SRSF7: variants seen among roughly 807,000 people sequenced by gnomAD.
SRSF7 encodes the protein serine and arginine rich splicing factor 7.
A neutral mutation model predicts 42.2 loss-of-function variants in SRSF7; 15 were observed. The ratio of observed to expected loss-of-function variants is 0.36; its 90% CI spans 0.24 to 0.55. The LOEUF is 0.55. Ranked by LOEUF, SRSF7 falls within the 20% of genes least tolerant of loss-of-function variation. SRSF7 has a pLI of 0.88. For synonymous variants in SRSF7, 138 were observed against 107.9 expected (o/e 1.28, Z -1.73); for missense variants, 181 against 305.9 (o/e 0.59, Z 3.04).
chr2:38,745,017 T>C lies in SRSF7; in HGVS notation c.*116A>G. On this transcript the variant is annotated 3_prime_UTR_variant, in exon 8 of 8. Transcript: ENST00000313117. ...CTGTGAATTTACATAGTAATCCAGA[T>C]CCATTTTGATTAGATGGTTGAATTA... The C allele has an allele frequency of 1.0e-6, 1 of 1,000,486 alleles. No individual in the cohort carries two copies. The highest frequency in any genetic ancestry group is 2.2e-5 in the Admixed American group (1 of 45,380). 62.0% of individuals were successfully genotyped at this position (1,000,486 alleles called of 1,614,324 possible). A position where few individuals can be genotyped will look rare whatever the true frequency, so the allele number is the denominator to read the frequency against.
chr2:38,749,007 ACG>A, intron 3 of SRSF7: 1 of 1,289,480 alleles, frequency 7.8e-7, no homozygotes. Context: ...CAATCTAACG[ACG>A]ATCAAACTGA....
chr2:38,747,951 T>C (rs774918975), intron 5 of SRSF7, 96 bp downstream of exon 5: 8 of 808,584 alleles, frequency 9.9e-6, no homozygotes, highest in Non-Finnish European at 1.5e-5. Context: ...TCTCAAATAT[T>C]CCCTGAAGCA....
chr2:38,746,821 T>A, intron 5 of SRSF7, 74 bp from the exon 6 acceptor site: 5 of 1,592,276 alleles, frequency 3.1e-6, no homozygotes, highest in Non-Finnish European at 4.3e-6. Context: ...CAACACTGTA[T>A]TAGGTTGGTC....
intron 5 of SRSF7, chr2:38,747,092 C>T (rs549467010): frequency 1.4e-5 from 7 of 486,818 alleles, no homozygotes; most frequent in South Asian, 1.1e-4. Context: ...CTCAGCTGGG[C>T]ACTGTGGTAC....
intron 3 of SRSF7, chr2:38,748,894 A>G: frequency 7.2e-7 from 1 of 1,384,332 alleles, no homozygotes; most frequent in Non-Finnish European, 9.4e-7. Context: ...TATTTAAAAT[A>G]AACCTTGCAA....
chr2:38,750,117 G>A lies in SRSF7; in HGVS notation c.106C>T (p.Pro36Ser). The change falls in exon 2 of 8, where the codon CCT becomes TCT. Residue 36 changes from proline to serine, a missense_variant. Pro to Ser is a moderately conservative substitution (Grantham distance 74, BLOSUM62 -1). This residue lies in a region of SRSF7 where 45 missense variants were observed against 158.1 expected (regional missense o/e 0.28). Transcript: ENST00000313117. ...CTCGCAATCCATACAGTTCTTAAAGGACCATAATAACTGAAAGCCCTTTCT... is the reference window on the plus strand; with the variant it reads ...CTCGCAATCCATACAGTTCTTAAAGAACCATAATAACTGAAAGCCCTTTCT... ...ELERAFSYYG[P>S]LRTVWIARNP... 1.2e-6 allele frequency: 2 copies of A among 1,613,318 alleles called. No individual in the cohort carries two copies. Among genetic ancestry groups the A allele is most frequent in the Non-Finnish European group, 1.7e-6 (2 of 1,179,680 alleles).
rs373705684 is a variant in SRSF7, at chr2:38,748,040, T to G, written c.572+7A>C. The stretch of plus-strand genomic sequence containing the variant: ...AAACACAAGTAAGGAAAAAAAGTGT[T>G]ACATACTGGAAATACCTCGATCCTT... On this transcript the variant is annotated splice_region_variant and intron_variant, in intron 5 of 7. Transcript: ENST00000313117. The G allele has an allele frequency of 6.2e-7, 1 of 1,604,674 alleles. No homozygotes were observed. The highest frequency in any genetic ancestry group is 1.3e-5 in the African/African-American group (1 of 74,734).
Position 38,744,479 on chromosome 2 carries a change from G to C in SRSF7, c.*654C>G. On this transcript the variant is annotated 3_prime_UTR_variant, in exon 8 of 8. Coordinates refer to ENST00000313117, the MANE Select transcript of SRSF7 (RefSeq NM_001031684.3). ...CCTAGTAGCCTGAAAGCTGCAATTA[G>C]TATAAAGATCATCCAGAAATGTTTC... 8.9e-6 allele frequency: 1 copy of C among 111,810 alleles called. No individual in the cohort carries two copies. Among genetic ancestry groups the C allele is most frequent in the African/African-American group, 3.6e-5 (1 of 27,404 alleles). The allele number at this position is 111,810 out of a possible 1,614,324, so 6.9% of individuals were successfully genotyped here.
intron 3 of SRSF7, chr2:38,749,151 A>G: frequency 7.6e-7 from 1 of 1,320,204 alleles, no homozygotes. Flanking sequence ...TGTTACGGCG[A>G]TCACCGTCTC....
chr2:38,749,757 T>C (rs1668000406), intron 2 of SRSF7, 52 bp from the exon 3 acceptor site: 4 of 1,465,066 alleles, frequency 2.7e-6, no homozygotes, highest in Non-Finnish European at 3.6e-6. Context: ...ATTCAGGACT[T>C]ATAGATTTAA....
At chr2:38,751,457 A>C, upstream of SRSF7, 1 of 666,210 alleles carries the variant, frequency 1.5e-6, no homozygotes, top group Non-Finnish European at 2.5e-6. Flanking sequence ...GCTGGGCGGA[A>C]ACAGCCAAGA....
chr2:38,747,997 A>G (rs375780745), intron 5 of SRSF7, 50 bp downstream of exon 5: 18 of 1,352,008 alleles, frequency 1.3e-5, no homozygotes, highest in East Asian at 9.3e-5. Context: ...CACTCTACTG[A>G]TAAGATGTGA....
chr2:38,745,740 C>T (rs1667285804), intron 7 of SRSF7, among the ~76,000 whole-genome samples: 1 of 152,048 alleles, frequency 6.6e-6, no homozygotes, highest in Admixed American at 6.6e-5. Flanking sequence ...TTGAAGTCTT[C>T]TGGTCATTAA....
At chr2:38,748,776 C>T in intron 3 of SRSF7, 123 bp from the exon 4 acceptor site, 2 of 1,256,140 alleles carry the variant, frequency 1.6e-6, no homozygotes, top group Non-Finnish European at 2.2e-6. Flanking sequence ...TGGAAATAAA[C>T]TCTGGGCCTA....
At chr2:38,749,902 T>C in intron 2 of SRSF7, 112 bp downstream of exon 2, 1 of 1,323,192 alleles carries the variant, frequency 7.6e-7, no homozygotes, top group Non-Finnish European at 1.0e-6. Flanking sequence ...TTTAACACTA[T>C]GACCAGCTAT....
chr2:38,744,333 C>G lies in SRSF7; in HGVS notation c.*800G>C. The G allele has an allele frequency of 6.6e-6, 1 of 152,564 alleles. No homozygotes were observed. The highest frequency in any genetic ancestry group is 2.4e-5 in the African/African-American group (1 of 41,430). 9.5% of individuals were successfully genotyped at this position (152,564 alleles called of 1,614,324 possible). On this transcript the variant is annotated 3_prime_UTR_variant, in exon 8 of 8. Transcript: ENST00000313117. ...GAAGGTGTTTTGTCCCAATTTCAGA[C>G]AATTCCTCAAACATGCATTTTTTGG...
At chr2:38,749,110 G>A in intron 3 of SRSF7, 1 of 1,316,160 alleles carries the variant, frequency 7.6e-7, no homozygotes. Flanking sequence ...TTCTAAACCG[G>A]AGGGGGGCCC....
intron 4 of SRSF7, 106 bp downstream of exon 4, chr2:38,748,473 A>G: frequency 1.7e-6 from 2 of 1,150,554 alleles, no homozygotes; most frequent in Admixed American, 3.5e-5. Flanking sequence ...AGCCCGGGTG[A>G]CAGAGCAAGA....
Position 38,751,064 on chromosome 2 carries a change from T to C in SRSF7, c.28+165A>G, listed in dbSNP as rs960637658. ...AGAGATGTACACCCGCCATCCCGTC[T>C]CCCTTCAGCACCCCGCCTCCGCTGC... is the stretch of plus-strand genomic sequence containing the variant. On this transcript the variant is annotated intron_variant, in intron 1 of 7. Transcript: ENST00000313117. 18 of 819,072 alleles carry C rather than the reference T, an allele frequency of 2.2e-5. No homozygotes were observed. The African/African-American group carries it at 3.0e-4, about 14-fold the overall frequency. The allele number at this position is 819,072 out of a possible 1,614,324, so 50.7% of individuals were successfully genotyped here.
Sources: allele counts gnomAD v4.1 joint callset (sites outside exome capture counted in the v4.1 genomes callset), GRCh38; gene constraint gnomAD v4.1.1; regional missense constraint gnomAD v4.1.1; transcripts MANE v1.5; gene names NCBI Gene and HGNC (gene_info 2026-07-23, HGNC 2026-07-21).